The following CDK12 variants were observed in gnomAD, a reference collection of about 807,000 sequenced individuals.
The protein encoded by CDK12 is cyclin dependent kinase 12, also known as cyclin-dependent kinase 12.
Under a neutral mutation model 133.8 loss-of-function variants are expected in CDK12, and 17 were observed. The observed-to-expected ratio is 0.13, with a 90% CI of 0.09 to 0.19. The LOEUF (loss-of-function observed/expected upper bound fraction) is 0.19. Among genes scored for constraint, CDK12 ranks in the 10% least tolerant of loss-of-function variants. The pLI is 1.00. For missense variants in CDK12, 1,508 were observed against 1,818.7 expected (o/e 0.83, Z 3.11); for synonymous variants, 694 against 683.6 (o/e 1.02, Z -0.24).
At chr17:39,488,118 C>A (rs1055512255) in intron 2 of CDK12, among the ~76,000 whole-genome samples, 39 of 151,938 alleles carry the variant, frequency 2.6e-4, no homozygotes, top group African/African-American at 9.4e-4. Flanking sequence ...GCCGTGGTCC[C>A]AGCTTCTTAG....
Position 39,526,328 on chromosome 17 carries a change from G to A in CDK12, c.3760+12G>A, listed in dbSNP as rs199931683. Reference sequence around the variant, plus strand: ...GGAGGAGGCAGCAGGTAAACAGACCGGTCATGAATCTCATTGAGCTCAGGT... The same window carrying A: ...GGAGGAGGCAGCAGGTAAACAGACCAGTCATGAATCTCATTGAGCTCAGGT... On this transcript the variant is annotated intron_variant, in intron 13 of 13. Coordinates refer to ENST00000447079, the MANE Select transcript of CDK12 (RefSeq NM_016507.4). 157 of 1,563,222 alleles carry A rather than the reference G, an allele frequency of 1.0e-4. 1 individual carries two copies. In the East Asian group the frequency reaches 1.7e-3, roughly 17 times the overall value.
chr17:39,530,696 G>A lies in CDK12; in HGVS notation c.3853G>A (p.Asp1285Asn), dbSNP rs767762268. 1.1e-5 allele frequency: 17 copies of A among 1,613,376 alleles called. No homozygotes were observed. The East Asian group carries it at 2.0e-4, about 19-fold the overall frequency. ...ACCTCCACCCCCTCTGGTTGAAGGC[G>A]ATCTTTCCAGCGCCCCCCAGGAGTT... Reference protein sequence around the residue: ...PPPPPPLVEGDLSSAPQELNP... With the variant: ...PPPPPPLVEGNLSSAPQELNP... The change falls in exon 14 of 14, where the codon GAT becomes AAT. Residue 1285 changes from aspartate (D) to asparagine (N), a missense_variant. Physicochemically the swap from Asp to Asn is conservative, Grantham distance 23. Coordinates refer to ENST00000447079, the MANE Select transcript of CDK12 (RefSeq NM_016507.4).
At chr17:39,509,661 GC>G in intron 6 of CDK12, 43 bp from the exon 7 acceptor site, 1 of 1,377,146 alleles carries the variant, frequency 7.3e-7, no homozygotes, top group Non-Finnish European at 1.0e-6. Flanking sequence ...TATTTTGGAG[GC>G]CACTGCTATG....
chr17:39,489,115 C>G (rs532751690), intron 2 of CDK12, among the ~76,000 whole-genome samples: 3 of 148,212 alleles, frequency 2.0e-5, no homozygotes, highest in South Asian at 2.1e-4. Flanking sequence ...GAGTCTCACT[C>G]TGTCTCTCCG....
chr17:39,478,422 G>A (rs960470289), intron 2 of CDK12, among the ~76,000 whole-genome samples: 13 of 151,790 alleles, frequency 8.6e-5, no homozygotes, highest in African/African-American at 2.9e-4. Flanking sequence ...CCGAACTCCT[G>A]ACCTTAGGTG....
At chr17:39,543,778 G>A (rs1036550567), upstream of CDK12, among the ~76,000 whole-genome samples, 3 of 152,140 alleles carry the variant, frequency 2.0e-5, no homozygotes, top group African/African-American at 7.2e-5. Context: ...CTTTCTCACA[G>A]TCAGGATCCT....
chr17:39,532,114 C>CTT lies in CDK12; in HGVS notation c.*799_*800insTT. 5.0e-6 allele frequency: 1 copy of CTT among 200,752 alleles called. No homozygotes were observed. The highest frequency in any genetic ancestry group is 1.0e-5 in the Non-Finnish European group (1 of 98,028). The allele number at this position is 200,752 out of a possible 1,614,324, so 12.4% of individuals were successfully genotyped here. On this transcript the variant is annotated 3_prime_UTR_variant, in exon 14 of 14. Coordinates refer to ENST00000447079, the MANE Select transcript of CDK12 (RefSeq NM_016507.4). ...TCTCTCTCTCTCTTTCTCTCTCTCT[C>CTT]TCTCTCTCTCTCTCTCTCTCTCTCT...
rs1474192991 is a variant in CDK12, at chr17:39,516,945, G to A, written c.2847-495G>A. Among the ~76,000 whole-genome samples the A allele has an allele frequency of 5.3e-5, 8 of 152,234 alleles. No individual in the cohort carries two copies. The East Asian group carries it at 1.4e-3, about 26-fold the overall frequency. On this transcript the variant is annotated intron_variant, in intron 9 of 13. Coordinates refer to ENST00000447079, the MANE Select transcript of CDK12 (RefSeq NM_016507.4). The stretch of plus-strand genomic sequence containing the variant: ...CCCAAAGTGCTGGGATTACAGGCGT[G>A]AGCCACCGTGCCCGGCCAATGTAGA...
chr17:39,537,694 C>T (rs2055202333), downstream of CDK12, among the ~76,000 whole-genome samples: 1 of 151,822 alleles, frequency 6.6e-6, no homozygotes, highest in Non-Finnish European at 1.5e-5. Context: ...TCCCAAGTAG[C>T]TGGGATTACA....
intron 2 of CDK12, among the ~76,000 whole-genome samples, chr17:39,482,909 AT>A (rs56026321): frequency 0.09 from 12,420 of 138,556 alleles, 418 homozygotes; most frequent in African/African-American, 0.12. Context: ...CCTCAACTAA[AT>A]TTTTTTTTTT....
chr17:39,471,544 C>G lies in CDK12; in HGVS notation c.1712C>G (p.Pro571Arg), dbSNP rs776757550. 4 of 1,613,972 alleles carry G rather than the reference C, an allele frequency of 2.5e-6. No individual in the cohort carries two copies. In the South Asian group the frequency reaches 4.4e-5, roughly 18 times the overall value. The change falls in exon 2 of 14, where the codon CCA (proline) becomes CGA (arginine). Residue 571 changes from proline (P) to arginine (R), a missense_variant. Transcript: ENST00000447079. ...PQQPPLPPSQ[P>R]AFSQVPASST... ...CAACCACCTCTGCCTCCTTCTCAGC[C>G]AGCATTTAGTCAGGTTCCTGCTTCC... is the stretch of plus-strand genomic sequence containing the variant.
At chr17:39,536,995 A>G (rs1002097484), downstream of CDK12, among the ~76,000 whole-genome samples, 11 of 152,246 alleles carry the variant, frequency 7.2e-5, no homozygotes, top group African/African-American at 2.7e-4. Flanking sequence ...AACTACAGAT[A>G]GTATTGACAG....
Position 39,531,115 on chromosome 17 carries a change from G to A in CDK12, c.4272G>A (p.Glu1424=). ...TCGGGCAACCATTCCTGAAGGCTGAGGGAAGCAGCAATTCTGTGGTACATG... is the reference window on the plus strand; with the variant it reads ...TCGGGCAACCATTCCTGAAGGCTGAAGGAAGCAGCAATTCTGTGGTACATG... The part of the protein sequence containing the change: ...PVVGQPFLKA[E]GSSNSVVHAE... The change falls in exon 14 of 14, where the codon GAG becomes GAA. Residue 1424 remains glutamate (E), a synonymous_variant. Coordinates refer to ENST00000447079, the MANE Select transcript of CDK12 (RefSeq NM_016507.4). 1 of 1,574,486 alleles carries A rather than the reference G, an allele frequency of 6.4e-7. No homozygotes were observed. The highest frequency in any genetic ancestry group is 1.2e-5 in the South Asian group (1 of 84,286).
intron 1 of CDK12, 63 bp downstream of exon 1, chr17:39,463,180 C>G (rs1259887494): frequency 1.4e-6 from 2 of 1,433,636 alleles, no homozygotes; most frequent in Non-Finnish European, 1.9e-6. Context: ...TGGCATTCAG[C>G]GTGTTAACAT....
At chr17:39,556,833 G>C (rs1004496556) in intron 3 of CDK12, 2 of 152,090 alleles carry the variant, frequency 1.3e-5, no homozygotes, top group African/African-American at 4.8e-5. Flanking sequence ...AGGGGGCAAT[G>C]ACACCCCTCC....
rs970567335 is a variant in CDK12 at position 39,534,269 on chromosome 17, ATG to A, written c.*2963_*2964del. ...CCATAGACATCACCCAACCACTTGT[ATG>A]TGTGTGTGTATATATAATATGCATA... is the stretch of plus-strand genomic sequence containing the variant. On this transcript the variant is annotated 3_prime_UTR_variant, in exon 14 of 14. Transcript: ENST00000447079. The A allele has an allele frequency of 1.3e-5, 3 of 232,636 alleles. No homozygotes were observed. The highest frequency in any genetic ancestry group is 2.2e-5 in the African/African-American group (1 of 45,296). The allele number at this position is 232,636 out of a possible 1,614,324, so 14.4% of individuals were successfully genotyped here. A position where few individuals can be genotyped will look rare whatever the true frequency, so the allele number is the denominator to read the frequency against.
chr17:39,538,226 T>C (rs763951650), downstream of CDK12, among the ~76,000 whole-genome samples: 1 of 152,212 alleles, frequency 6.6e-6, no homozygotes. Context: ...TAAACAGTTA[T>C]TTGTATTGTT....
chr17:39,525,796 A>G, intron 12 of CDK12, 68 bp from the exon 13 acceptor site: 1 of 1,192,768 alleles, frequency 8.4e-7, no homozygotes, highest in Non-Finnish European at 1.2e-6. Context: ...TGCTGTTGCC[A>G]GTTGAAGAAG....
intron 1 of CDK12, among the ~76,000 whole-genome samples, chr17:39,464,655 C>T (rs2049168416): frequency 6.6e-6 from 1 of 151,930 alleles, no homozygotes; most frequent in Non-Finnish European, 1.5e-5. Context: ...AATGTTTCCT[C>T]CTCCATTTTA....
Sources: allele counts gnomAD v4.1 joint callset (sites outside exome capture counted in the v4.1 genomes callset), GRCh38; gene constraint gnomAD v4.1.1; transcripts MANE v1.5; gene names NCBI Gene and HGNC (gene_info 2026-07-23, HGNC 2026-07-21).